Variants in FBXW11 observed in about 807,000 individuals in gnomAD.
FBXW11 encodes the protein F-box and WD repeat domain containing 11.
FBXW11 carries 19 observed loss-of-function variants against 77.6 expected under a neutral mutation model. The ratio of observed to expected loss-of-function variants is 0.24; its 90% CI spans 0.17 to 0.36. The LOEUF is 0.36. Ranked by LOEUF, FBXW11 falls within the 10% of genes least tolerant of loss-of-function variation. FBXW11 has a pLI of 1.00. For synonymous variants in FBXW11, 235 were observed against 249.4 expected, an observed-to-expected ratio of 0.94 and a Z score of 0.54; for missense variants, 334 against 704.2, an observed-to-expected ratio of 0.47 and a Z score of 5.95.
At chr5:171,941,146 T>C (rs1762732557) in intron 2 of FBXW11, among the ~76,000 whole-genome samples, 1 of 152,168 alleles carries the variant, frequency 6.6e-6, no homozygotes, top group Non-Finnish European at 1.5e-5. Context: ...TGAAGAAGGC[T>C]TGATAGACAT....
intron 2 of FBXW11, among the ~76,000 whole-genome samples, chr5:171,934,009 A>G (rs905663804): frequency 8.5e-5 from 13 of 152,248 alleles, no homozygotes; most frequent in African/African-American, 3.1e-4. Flanking sequence ...CCCTTATGAG[A>G]GTAATTTTGC....
intron 2 of FBXW11, among the ~76,000 whole-genome samples, chr5:171,918,693 T>C (rs894220694): frequency 6.6e-6 from 1 of 152,216 alleles, no homozygotes; most frequent in African/African-American, 2.4e-5. Flanking sequence ...AAGAAGAAGC[T>C]AGACTCTCAG....
chr5:171,916,534 G>T (rs939660354), intron 2 of FBXW11: 8 of 844,198 alleles, frequency 9.5e-6, no homozygotes, highest in Non-Finnish European at 1.1e-5. Context: ...AATTCTGAAT[G>T]GGATGAAGAA....
intron 2 of FBXW11, among the ~76,000 whole-genome samples, chr5:171,948,788 C>T (rs976275853): frequency 1.3e-5 from 2 of 152,128 alleles, no homozygotes; most frequent in African/African-American, 4.8e-5. Context: ...ACCCACGTCC[C>T]TATCCTCAAA....
intron 1 of FBXW11, among the ~76,000 whole-genome samples, chr5:171,992,684 C>T (rs1765816750): frequency 1.3e-5 from 2 of 152,086 alleles, no homozygotes; most frequent in South Asian, 4.1e-4. Context: ...TCAGTCTATA[C>T]TCTGAGTAAT....
At chr5:172,001,920 G>A (rs116553345) in intron 1 of FBXW11, among the ~76,000 whole-genome samples, 4 of 152,164 alleles carry the variant, frequency 2.6e-5, no homozygotes, top group African/African-American at 4.8e-5. Context: ...CAAAGGAAAC[G>A]TGTGAGCAGA....
chr5:171,873,200 C>T (rs1412854360), intron 9 of FBXW11, among the ~76,000 whole-genome samples: 3 of 152,076 alleles, frequency 2.0e-5, no homozygotes, highest in African/African-American at 2.4e-5. Flanking sequence ...GAATGAAACA[C>T]GGAGGGAAGT....
At chr5:171,949,838 A>T (rs1244787671) in intron 2 of FBXW11, among the ~76,000 whole-genome samples, 2 of 152,180 alleles carry the variant, frequency 1.3e-5, no homozygotes, top group Non-Finnish European at 2.9e-5. Flanking sequence ...TAAAATATTC[A>T]ATGTCATCTA....
At chr5:171,866,122 G>T (rs953667417) in intron 13 of FBXW11, among the ~76,000 whole-genome samples, 1 of 152,030 alleles carries the variant, frequency 6.6e-6, no homozygotes, top group Non-Finnish European at 1.5e-5. Flanking sequence ...AAAATCAGCT[G>T]GGTGTGATGG....
intron 7 of FBXW11, among the ~76,000 whole-genome samples, chr5:171,886,864 A>T (rs190929958): frequency 1.3e-5 from 2 of 151,926 alleles, no homozygotes; most frequent in Admixed American, 6.6e-5. Context: ...AAACACAAAA[A>T]ATTAGCCAGG....
At position 171,876,629 on chromosome 5, in the gene FBXW11, A is replaced by C; in HGVS notation, c.972-95T>G. ...TCTGTCTGGGTCTGCAATGGTTTGG[A>C]TATAGTTTGTCTGACTCTACCAAAT... On this transcript the variant is annotated intron_variant, in intron 8 of 13. Transcript: ENST00000517395. This position sits in a 1 kb window ranked among gnomAD's most constrained non-coding sequence, Gnocchi z 4.2. 6.8e-7 allele frequency: 1 copy of C among 1,477,946 alleles called. No homozygotes were observed. The highest frequency in any genetic ancestry group is 1.3e-5 in the South Asian group (1 of 78,642). The allele number at this position is 1,477,946 out of a possible 1,614,324, so 91.6% of individuals were successfully genotyped here. A position where few individuals can be genotyped will look rare whatever the true frequency, so the allele number is the denominator to read the frequency against.
chr5:171,976,756 A>C lies in FBXW11; in HGVS notation c.46-19058T>G, dbSNP rs371257864. ...AGCCTCCAGGTGAGCTCTAAGACAT[A>C]AATCTCTGGGCCGGGTGTGGTCGTT... On this transcript the variant is annotated intron_variant, in intron 1 of 13. Coordinates refer to ENST00000517395, the MANE Select transcript of FBXW11 (RefSeq NM_001378974.1). 2.0e-5 allele frequency among the ~76,000 whole-genome samples: 3 copies of C among 152,194 alleles called. No homozygotes were observed. In the South Asian group the frequency reaches 6.2e-4, roughly 32 times the overall value.
intron 4 of FBXW11, among the ~76,000 whole-genome samples, chr5:171,903,357 G>C (rs974953958): frequency 1.3e-5 from 2 of 152,052 alleles, no homozygotes; most frequent in Admixed American, 1.3e-4. Context: ...CCTTGGTCTT[G>C]AAAGTGCTGG....
chr5:171,891,573 T>A lies in FBXW11; in HGVS notation c.746A>T (p.His249Leu). The A allele has an allele frequency of 1.2e-6, 2 of 1,611,504 alleles. No homozygotes were observed. The highest frequency in any genetic ancestry group is 1.7e-6 in the Non-Finnish European group (2 of 1,178,988). The change falls in exon 7 of 14, where the codon CAC becomes CTC. Residue 249 changes from histidine (H) to leucine (L), a missense_variant. This residue lies in a region of FBXW11 where 70 missense variants were observed against 136.6 expected (regional missense o/e 0.51). Transcript: ENST00000517395. The stretch of plus-strand genomic sequence containing the variant: ...GCGGCACTGAATCCTCTGCAAGTTG[T>A]GTCGTCCACACCGCCAGTTAGATTC... The part of the protein sequence containing the change: ...TIESNWRCGR[H>L]NLQRIQCRSE...
Position 171,891,452 on chromosome 5 carries a change from A to AATTC in FBXW11, c.852+11_852+14dup. 6.4e-7 allele frequency: 1 copy of AATTC among 1,565,678 alleles called. No homozygotes were observed. The highest frequency in any genetic ancestry group is 8.6e-7 in the Non-Finnish European group (1 of 1,156,882). ...ACGATTCTAAAAATAATACATAAAA[A>AATTC]ATTCAGTCATTCACCTTAATAGAAT... On this transcript the variant is annotated intron_variant, in intron 7 of 13. Coordinates refer to ENST00000517395, the MANE Select transcript of FBXW11 (RefSeq NM_001378974.1).
At chr5:172,006,116 A>T (rs911118410) in intron 1 of FBXW11, among the ~76,000 whole-genome samples, 3 of 152,192 alleles carry the variant, frequency 2.0e-5, no homozygotes, top group African/African-American at 7.2e-5. Flanking sequence ...GAAAGAAAAA[A>T]AAATCCCTTT....
rs1200591974 is a variant in FBXW11 at position 171,891,615 on chromosome 5, A to C, written c.715-11T>G. On this transcript the variant is annotated splice_polypyrimidine_tract_variant and intron_variant, in intron 6 of 13. Transcript: ENST00000517395. ...GTTAGATTCTATAGTCTAGGGAAAA[A>C]AGGAGGCAAGAGATGAGTTTTTATG... The C allele has an allele frequency of 1.2e-6, 2 of 1,603,516 alleles. No homozygotes were observed. The highest frequency in any genetic ancestry group is 1.7e-6 in the Non-Finnish European group (2 of 1,176,938).
chr5:171,934,537 T>C (rs1762371638), intron 2 of FBXW11, among the ~76,000 whole-genome samples: 1 of 151,652 alleles, frequency 6.6e-6, no homozygotes, highest in African/African-American at 2.4e-5. Flanking sequence ...ATTAGCCAGG[T>C]GTGGTGGTGC....
At chr5:171,993,371 T>C (rs1197006793) in intron 1 of FBXW11, among the ~76,000 whole-genome samples, 3 of 152,052 alleles carry the variant, frequency 2.0e-5, no homozygotes, top group Non-Finnish European at 2.9e-5. Flanking sequence ...CCCAGCACTA[T>C]GGAAGGCCCA....
Sources: gnomAD v4.1 joint callset for allele counts (sites outside exome capture counted in the v4.1 genomes callset) on GRCh38, gnomAD v4.1.1 for gene constraint, gnomAD v4.1.1 regional missense constraint, Gnocchi (gnomAD v3.1) non-coding constraint, MANE v1.5 for transcripts, NCBI Gene and HGNC (gene_info 2026-07-23, HGNC 2026-07-21) for gene names.